Variants in SLC35F1 observed in about 807,000 individuals in gnomAD.
SLC35F1 encodes chromosome 6 open reading frame 169.
Under a neutral mutation model 48.7 loss-of-function variants are expected in SLC35F1, and 14 were observed. The observed-to-expected ratio is 0.29, with a 90% CI of 0.19 to 0.45. SLC35F1 has a LOEUF of 0.45. SLC35F1 is among the 20% of genes least tolerant of loss of function. SLC35F1 has a pLI of 1.00. For missense variants in SLC35F1, 404 were observed against 500.0 expected (o/e 0.81, Z 1.83); for synonymous variants, 190 against 202.2 (o/e 0.94, Z 0.51).
intron 1 of SLC35F1, among the ~76,000 whole-genome samples, chr6:117,969,963 CT>C (rs1001954922): frequency 6.6e-5 from 10 of 152,230 alleles, no homozygotes; most frequent in African/African-American, 2.4e-4. Flanking sequence ...AATTGGTATT[CT>C]AACAGTTGTA....
intron 1 of SLC35F1, among the ~76,000 whole-genome samples, chr6:118,035,626 A>G (rs1212129623): frequency 1.4e-5 from 1 of 70,666 alleles, no homozygotes; most frequent in Non-Finnish European, 3.4e-5. Flanking sequence ...CAAAAAAAAA[A>G]CAACAACAAC....
At chr6:118,305,048 A>ATGTGTGTGTGTGTGTGTGTG (rs758520455) in intron 7 of SLC35F1, among the ~76,000 whole-genome samples, 3 of 80,162 alleles carry the variant, frequency 3.7e-5, no homozygotes, top group Non-Finnish European at 7.5e-5. Flanking sequence ...ATCAACAGGA[A>ATGTGTGTGTGTGTGTGTGTG]TGTGTGTGTG....
chr6:118,117,617 T>C (rs1414646985), intron 1 of SLC35F1, among the ~76,000 whole-genome samples: 1 of 152,192 alleles, frequency 6.6e-6, no homozygotes. Flanking sequence ...AATTTATCAA[T>C]GTTAAATGTA....
chr6:118,255,066 A>C (rs1453479862), intron 3 of SLC35F1, among the ~76,000 whole-genome samples: 1 of 152,212 alleles, frequency 6.6e-6, no homozygotes, highest in Non-Finnish European at 1.5e-5. Flanking sequence ...GAGAGAGCTC[A>C]CAGATGCTAG....
chr6:118,306,993 G>A (rs1452722459), intron 7 of SLC35F1, among the ~76,000 whole-genome samples: 1 of 152,200 alleles, frequency 6.6e-6, no homozygotes, highest in African/African-American at 2.4e-5. Context: ...TAAACAGAAG[G>A]CCTCATAAAC....
chr6:117,948,254 TA>T (rs992090007), intron 1 of SLC35F1, among the ~76,000 whole-genome samples: 1 of 152,182 alleles, frequency 6.6e-6, no homozygotes, highest in Non-Finnish European at 1.5e-5. Context: ...TCATTTTTTT[TA>T]CAGTACTTAA....
chr6:118,154,575 A>G lies in SLC35F1; in HGVS notation c.304A>G (p.Ile102Val). 1 of 1,613,930 alleles carries G rather than the reference A, an allele frequency of 6.2e-7. No individual in the cohort carries two copies. The highest frequency in any genetic ancestry group is 1.1e-5 in the South Asian group (1 of 91,038). The change falls in exon 2 of 8, where the codon ATT becomes GTT. Residue 102 changes from isoleucine (I) to valine (V), a missense_variant. Ile to Val is a conservative substitution (Grantham distance 29). This residue lies in a region of SLC35F1 where 306 missense variants were observed against 419.1 expected (regional missense o/e 0.73). Coordinates refer to ENST00000360388, the MANE Select transcript of SLC35F1 (RefSeq NM_001029858.4). ...TPVFQSFLNYILLFLVYTTTL... is the reference protein window; with the variant it reads ...TPVFQSFLNYVLLFLVYTTTL... ...AGTCTTCCAGAGTTTCCTCAATTAC[A>G]TTCTTCTCTTCTTGGTCTATACCAC...
intron 1 of SLC35F1, among the ~76,000 whole-genome samples, chr6:117,990,962 A>G (rs1263611194): frequency 1.3e-5 from 2 of 152,212 alleles, no homozygotes; most frequent in African/African-American, 2.4e-5. Context: ...GGTACCATCC[A>G]CCAAATATGA....
intron 1 of SLC35F1, among the ~76,000 whole-genome samples, chr6:118,017,698 A>G (rs1230389773): frequency 1.3e-5 from 2 of 152,206 alleles, no homozygotes; most frequent in Non-Finnish European, 2.9e-5. Context: ...CTGCTCATTA[A>G]ATAAAGTGCT....
chr6:118,242,712 G>A (rs1775456741), intron 3 of SLC35F1, among the ~76,000 whole-genome samples: 1 of 152,162 alleles, frequency 6.6e-6, no homozygotes, highest in African/African-American at 2.4e-5. Flanking sequence ...CTTATCCAAA[G>A]ATTATTCATC....
At chr6:117,962,546 A>T (rs1210671219) in intron 1 of SLC35F1, among the ~76,000 whole-genome samples, 2 of 152,082 alleles carry the variant, frequency 1.3e-5, no homozygotes, top group African/African-American at 4.8e-5. Context: ...TTATATAATC[A>T]TCTGCTCACC....
At chr6:118,278,311 G>A (rs1250109230) in intron 6 of SLC35F1, among the ~76,000 whole-genome samples, 2 of 152,194 alleles carry the variant, frequency 1.3e-5, no homozygotes, top group Non-Finnish European at 2.9e-5. Context: ...GAATGTAAGT[G>A]GCAGGGAGGG....
intron 2 of SLC35F1, among the ~76,000 whole-genome samples, chr6:118,206,430 G>A (rs1280427909): frequency 2.6e-5 from 4 of 152,156 alleles, no homozygotes; most frequent in Admixed American, 2.6e-4. Context: ...CCCAGCAGGA[G>A]GGCATAATCT....
chr6:118,192,297 C>G (rs753878027), intron 2 of SLC35F1, among the ~76,000 whole-genome samples: 17 of 152,020 alleles, frequency 1.1e-4, no homozygotes, highest in Non-Finnish European at 1.5e-5. Flanking sequence ...TTTTATAAAC[C>G]AGTCAGTCTT....
At chr6:118,242,391 C>T (rs762443581) in intron 3 of SLC35F1, among the ~76,000 whole-genome samples, 3 of 151,826 alleles carry the variant, frequency 2.0e-5, no homozygotes, top group Non-Finnish European at 4.4e-5. Context: ...AAAAAGTTAA[C>T]ACTGGCAAAA....
chr6:118,240,272 A>T (rs1775420193), intron 3 of SLC35F1, among the ~76,000 whole-genome samples: 1 of 152,224 alleles, frequency 6.6e-6, no homozygotes, highest in Non-Finnish European at 1.5e-5. Flanking sequence ...GGAGGCAGAG[A>T]TGATAGTTGA....
chr6:118,000,212 C>T (rs1305635717), intron 1 of SLC35F1, among the ~76,000 whole-genome samples: 4 of 152,134 alleles, frequency 2.6e-5, no homozygotes, highest in Non-Finnish European at 5.9e-5. Flanking sequence ...AAAATACTGG[C>T]AAACGGAATC....
At chr6:118,235,428 C>A in intron 2 of SLC35F1, 81 bp from the exon 3 acceptor site, 2 of 1,286,340 alleles carry the variant, frequency 1.6e-6, no homozygotes, top group Non-Finnish European at 2.1e-6. Context: ...TATAATGTTG[C>A]AACATATTAG....
At chr6:118,285,112 C>A in intron 6 of SLC35F1, 72 bp from the exon 7 acceptor site, 1 of 1,554,268 alleles carries the variant, frequency 6.4e-7, no homozygotes, top group South Asian at 1.2e-5. Flanking sequence ...TCTTCCCCTT[C>A]TTTCCTGCTG....
Sources: allele counts gnomAD v4.1 joint callset (sites outside exome capture counted in the v4.1 genomes callset), GRCh38; gene constraint gnomAD v4.1.1; regional missense constraint gnomAD v4.1.1; transcripts MANE v1.5; gene names NCBI Gene and HGNC (gene_info 2026-07-23, HGNC 2026-07-21).